The following STAB2 variants were observed in gnomAD, a reference collection of about 807,000 sequenced individuals.
STAB2 encodes stabilin 2.
A neutral mutation model predicts 338.1 loss-of-function variants in STAB2; 288 were observed. That is an observed-to-expected ratio of 0.85 (90% confidence interval 0.77 to 0.94). The LOEUF (loss-of-function observed/expected upper bound fraction) is 0.94. Among genes scored for constraint, STAB2 ranks in the 40% least tolerant of loss-of-function variants. The pLI, the probability that STAB2 is intolerant of heterozygous loss-of-function variation, is 0.00. For missense variants in STAB2, 3,141 were observed against 3,210.1 expected, an observed-to-expected ratio of 0.98 and a Z score of 0.52; for synonymous variants, 1,202 against 1,193.3, an observed-to-expected ratio of 1.01 and a Z score of -0.15.
chr12:103,622,048 T>G lies in STAB2; in HGVS notation c.424T>G (p.Phe142Val). The change falls in exon 5 of 69, where the codon TTT (phenylalanine) becomes GTT (valine). Residue 142 changes from phenylalanine (F) to valine (V), a missense_variant. Transcript: ENST00000388887. ...CACCTGGGGTGTTTTGCAGGAAGGG[T>G]TTGGTGGAACAGCCTGTGAAACCTG... is the stretch of plus-strand genomic sequence containing the variant. Reference protein sequence around the residue: ...GNGTCSCQEGFGGTACETCAD... With the variant: ...GNGTCSCQEGVGGTACETCAD... 6.2e-7 allele frequency: 1 copy of G among 1,614,024 alleles called. No homozygotes were observed. The highest frequency in any genetic ancestry group is 1.7e-5 in the Admixed American group (1 of 59,996).
At chr12:103,641,297 A>T (rs2138697313) in intron 9 of STAB2, among the ~76,000 whole-genome samples, 1 of 152,336 alleles carries the variant, frequency 6.6e-6, no homozygotes, top group South Asian at 2.1e-4. Flanking sequence ...ATGGAGTGGA[A>T]AGAGCTGGGA....
intron 67 of STAB2, 50 bp downstream of exon 67, chr12:103,762,452 A>G: frequency 2.5e-6 from 4 of 1,613,428 alleles, no homozygotes; most frequent in Admixed American, 3.3e-5. Context: ...CCAAAAACCC[A>G]GTCCCTGGAC....
intron 25 of STAB2, among the ~76,000 whole-genome samples, chr12:103,682,875 G>A (rs865828913): frequency 6.6e-6 from 1 of 152,144 alleles, no homozygotes; most frequent in African/African-American, 2.4e-5. Flanking sequence ...TTGAACCTGG[G>A]AGGCAGAAGT....
intron 61 of STAB2, 61 bp from the exon 62 acceptor site, chr12:103,755,241 C>G (rs1314964032): frequency 3.8e-6 from 6 of 1,585,020 alleles, no homozygotes; most frequent in Non-Finnish European, 5.1e-6. Context: ...AGACATTAAC[C>G]AAGTGATGCC....
At chr12:103,657,634 T>C (rs958742742) in intron 15 of STAB2, 1 of 152,262 alleles carries the variant, frequency 6.6e-6, no homozygotes, top group African/African-American at 2.4e-5. Flanking sequence ...TGCACGCCAC[T>C]GCTCCTGGCT....
chr12:103,714,243 T>C (rs1477187703), intron 42 of STAB2, among the ~76,000 whole-genome samples: 1 of 152,224 alleles, frequency 6.6e-6, no homozygotes, highest in Non-Finnish European at 1.5e-5. Context: ...AAAACAAGTA[T>C]ACCTCTAACA....
intron 16 of STAB2, 35 bp from the exon 17 acceptor site, chr12:103,660,648 A>G (rs1256713572): frequency 1.9e-6 from 3 of 1,611,452 alleles, no homozygotes; most frequent in Non-Finnish European, 2.5e-6. Context: ...GTGTGGTCCC[A>G]AATATCTCTG....
rs777776435 is a variant in STAB2, at chr12:103,668,733, A to G, written c.2172+4A>G. The G allele has an allele frequency of 1.3e-6, 2 of 1,540,894 alleles. No homozygotes were observed. Among genetic ancestry groups the G allele is most frequent in the East Asian group, 2.5e-5 (1 of 40,576 alleles). On this transcript the variant is annotated splice_donor_region_variant and intron_variant, in intron 20 of 68. Transcript: ENST00000388887. ...GTACTGCAATGCCACTGTGAAGGTG[A>G]GGAGCGCGTGGCCGAGGCCCAGTCT...
intron 12 of STAB2, among the ~76,000 whole-genome samples, chr12:103,652,941 G>A (rs1404144659): frequency 6.6e-6 from 1 of 152,228 alleles, no homozygotes; most frequent in East Asian, 1.9e-4. Context: ...CTTTGGTCTG[G>A]TCTGATTTAG....
chr12:103,671,517 A>C (rs912221171), intron 22 of STAB2, among the ~76,000 whole-genome samples: 2 of 152,056 alleles, frequency 1.3e-5, no homozygotes, highest in African/African-American at 4.8e-5. Context: ...CTTTATTTGC[A>C]AGGCCTGTGG....
chr12:103,694,900 T>C (rs1878264720), intron 31 of STAB2, among the ~76,000 whole-genome samples: 1 of 151,926 alleles, frequency 6.6e-6, no homozygotes, highest in African/African-American at 2.4e-5. Context: ...AAGGAGTATG[T>C]CCCAAGTAGA....
chr12:103,601,178 A>G (rs145502421), intron 3 of STAB2, among the ~76,000 whole-genome samples: 1 of 152,086 alleles, frequency 6.6e-6, no homozygotes, highest in East Asian at 1.9e-4. Context: ...AGGATTAAAT[A>G]CTGAGATAGT....
chr12:103,746,776 TG>T, intron 58 of STAB2, 72 bp downstream of exon 58: 1 of 1,482,546 alleles, frequency 6.7e-7, no homozygotes, highest in Non-Finnish European at 9.4e-7. Context: ...TCACAGTGCC[TG>T]GGCTTCATCC....
intron 9 of STAB2, among the ~76,000 whole-genome samples, chr12:103,646,438 G>A (rs775555645): frequency 3.6e-4 from 55 of 152,064 alleles, no homozygotes; most frequent in Non-Finnish European, 6.6e-4. Context: ...TGTCCTTGTC[G>A]TTATCATCTG....
Position 103,725,065 on chromosome 12 carries a change from G to C in STAB2, c.4774G>C (p.Gly1592Arg). ...TTGCAAGCCAAACTACATTGGAGAT[G>C]GATTTACCTGCCGCGGCAGCATTTA... Reference protein sequence around the residue: ...CTCKPNYIGDGFTCRGSIYQE... With the variant: ...CTCKPNYIGDRFTCRGSIYQE... Residue 1592 changes from glycine (G) to arginine (R), a missense_variant, in exon 45 of 69, where the codon GGA (glycine) becomes CGA (arginine). Gly to Arg is a moderately radical substitution (Grantham distance 125). Coordinates refer to ENST00000388887, the MANE Select transcript of STAB2 (RefSeq NM_017564.10). 4 of 1,613,268 alleles carry C rather than the reference G, an allele frequency of 2.5e-6. No individual in the cohort carries two copies. Among genetic ancestry groups the C allele is most frequent in the Non-Finnish European group, 3.4e-6 (4 of 1,179,284 alleles).
rs535496344 is a variant in STAB2 at position 103,590,788 on chromosome 12, T to A, written c.82-109T>A. 2.3e-6 allele frequency: 3 copies of A among 1,318,230 alleles called. No homozygotes were observed. In the East Asian group the frequency reaches 7.0e-5, roughly 31 times the overall value. 81.7% of individuals were successfully genotyped at this position (1,318,230 alleles called of 1,614,324 possible). Reference sequence around the variant, plus strand: ...ATCAACCTTATCACCATCCCTGACGTTCCATTGAGATGATTGGAGACATTC... The same window carrying A: ...ATCAACCTTATCACCATCCCTGACGATCCATTGAGATGATTGGAGACATTC... On this transcript the variant is annotated intron_variant, in intron 1 of 68. Transcript: ENST00000388887.
intron 3 of STAB2, among the ~76,000 whole-genome samples, chr12:103,609,694 G>A (rs1487708562): frequency 1.3e-5 from 2 of 152,162 alleles, no homozygotes; most frequent in Admixed American, 1.3e-4. Flanking sequence ...TCTCCTGCCT[G>A]ATTGCCCTGG....
chr12:103,708,613 A>G (rs1244712893), intron 39 of STAB2, 77 bp downstream of exon 39: 11 of 1,346,682 alleles, frequency 8.2e-6, no homozygotes, highest in Middle Eastern at 1.8e-4. Context: ...TTTCTAAAAT[A>G]TAAATGACAC....
At chr12:103,726,059 T>C (rs1881175135) in intron 45 of STAB2, 57 bp from the exon 46 acceptor site, 1 of 1,593,704 alleles carries the variant, frequency 6.3e-7, no homozygotes, top group African/African-American at 1.3e-5. Context: ...ATGACAACCC[T>C]GTATTGTTCT....
Sources: allele counts gnomAD v4.1 joint callset (sites outside exome capture counted in the v4.1 genomes callset), GRCh38; gene constraint gnomAD v4.1.1; transcripts MANE v1.5; gene names NCBI Gene and HGNC (gene_info 2026-07-23, HGNC 2026-07-21).